The following RAD51B variants were observed in gnomAD, a reference collection of about 807,000 sequenced individuals.
The protein encoded by RAD51B is RAD51 paralog B, also known as DNA repair protein RAD51 homolog 2.
In RAD51B, 38 loss-of-function variants were observed where a neutral mutation model predicts 42.2. That is an observed-to-expected ratio of 0.90 (90% confidence interval 0.70 to 1.18). The LOEUF (loss-of-function observed/expected upper bound fraction) is 1.18. RAD51B is among the 50% of genes most tolerant of loss of function. The pLI is 0.00. For synonymous variants in RAD51B, 154 were observed against 145.2 expected (o/e 1.06, Z -0.43); for missense variants, 373 against 400.7 (o/e 0.93, Z 0.59).
intron 10 of RAD51B, chr14:68,563,038 C>A: frequency 1.0e-6 from 1 of 985,460 alleles, no homozygotes; most frequent in Non-Finnish European, 1.2e-6. Context: ...CCTCTCTCAC[C>A]CTGGCCGCTT....
chr14:67,904,448 G>A (rs916731838), intron 7 of RAD51B, among the ~76,000 whole-genome samples: 5 of 151,188 alleles, frequency 3.3e-5, no homozygotes, highest in Admixed American at 2.6e-4. Flanking sequence ...TATTCTGACT[G>A]GTGTGAGATG....
At chr14:67,984,955 T>G (rs1395769046) in intron 7 of RAD51B, among the ~76,000 whole-genome samples, 1 of 152,180 alleles carries the variant, frequency 6.6e-6, no homozygotes, top group Non-Finnish European at 1.5e-5. Context: ...CCCAAAATGT[T>G]TTACTGATGG....
At chr14:68,545,027 A>G (rs1045189567) in intron 10 of RAD51B, among the ~76,000 whole-genome samples, 11 of 152,192 alleles carry the variant, frequency 7.2e-5, no homozygotes, top group African/African-American at 2.7e-4. Flanking sequence ...TTGGGAATAA[A>G]TAAATATTCT....
downstream of RAD51B, chr14:68,478,200 C>T (rs1259409591): frequency 2.2e-5 from 22 of 1,008,432 alleles, no homozygotes; most frequent in Non-Finnish European, 2.6e-5. Context: ...GCAAGGGGGT[C>T]GACTCTGTGT....
intron 7 of RAD51B, among the ~76,000 whole-genome samples, chr14:67,963,218 A>G (rs1007196197): frequency 6.6e-6 from 1 of 151,790 alleles, no homozygotes; most frequent in African/African-American, 2.4e-5. Flanking sequence ...ATGTGTATCC[A>G]TGTGTATAGA....
intron 10 of RAD51B, among the ~76,000 whole-genome samples, chr14:68,592,734 T>A (rs61985820): frequency 0.16 from 24,828 of 152,290 alleles, 2,594 homozygotes; most frequent in Non-Finnish European, 0.23. Context: ...ACTCTGGATG[T>A]ATTCTTATTG....
In RAD51B at chr14:68,651,388, G is replaced by A. The variant is rs866592948; in HGVS notation, c.*11+532G>A. Among the ~76,000 whole-genome samples the A allele has an allele frequency of 2.0e-5, 3 of 152,188 alleles. No individual in the cohort carries two copies. In the South Asian group the frequency reaches 6.2e-4, roughly 32 times the overall value. On this transcript the variant is annotated intron_variant, in intron 11 of 11. Coordinates refer to the RAD51B transcript ENST00000488612. ...AGGTTTTGCCGTGTTGCCCAGGGTG[G>A]TCTCAAACTCAAGTAATCTGCCCGC...
intron 10 of RAD51B, among the ~76,000 whole-genome samples, chr14:68,644,553 T>C (rs543584222): frequency 1.3e-5 from 2 of 152,382 alleles, no homozygotes; most frequent in African/African-American, 4.8e-5. Flanking sequence ...AGATTCCTGC[T>C]GTTGCTTTTT....
chr14:68,380,158 G>A (rs914685995), intron 8 of RAD51B, among the ~76,000 whole-genome samples: 1 of 152,210 alleles, frequency 6.6e-6, no homozygotes, highest in Middle Eastern at 3.2e-3. Context: ...CGTGCTTAAA[G>A]TGTGTTTCTA....
At chr14:67,963,553 C>T (rs980138265) in intron 7 of RAD51B, among the ~76,000 whole-genome samples, 1 of 152,080 alleles carries the variant, frequency 6.6e-6, no homozygotes, top group African/African-American at 2.4e-5. Context: ...CCCCTTTTCT[C>T]TTACCATCAT....
intron 7 of RAD51B, among the ~76,000 whole-genome samples, chr14:68,254,889 G>A (rs1008351253): frequency 1.3e-5 from 2 of 152,154 alleles, no homozygotes; most frequent in Admixed American, 6.6e-5. Context: ...GAGTAATCAA[G>A]AGGCAATTTA....
At chr14:68,642,485 A>G (rs1027529355) in intron 10 of RAD51B, among the ~76,000 whole-genome samples, 1 of 152,172 alleles carries the variant, frequency 6.6e-6, no homozygotes, top group African/African-American at 2.4e-5. Context: ...TTAATAACAT[A>G]GATATTAGTC....
chr14:68,473,761 T>C (rs1162958889), intron 10 of RAD51B, among the ~76,000 whole-genome samples: 1 of 152,188 alleles, frequency 6.6e-6, no homozygotes. Flanking sequence ...AGGACTCCTT[T>C]GTACCTATTC....
chr14:68,495,788 C>A (rs1884467777), intron 10 of RAD51B, among the ~76,000 whole-genome samples: 1 of 152,160 alleles, frequency 6.6e-6, no homozygotes, highest in Non-Finnish European at 1.5e-5. Flanking sequence ...TGACTTACCT[C>A]TTAACCACAG....
intron 10 of RAD51B, among the ~76,000 whole-genome samples, chr14:68,573,951 G>T (rs146949797): frequency 1.4e-5 from 2 of 147,912 alleles, no homozygotes; most frequent in African/African-American, 5.0e-5. Context: ...TGTGTGTGTG[G>T]GGGTGTGGGT....
intron 9 of RAD51B, among the ~76,000 whole-genome samples, chr14:68,435,141 A>G (rs1205586459): frequency 6.6e-6 from 1 of 152,172 alleles, no homozygotes; most frequent in East Asian, 1.9e-4. Context: ...TAGTAAGCAT[A>G]GTACCCCATA....
At chr14:68,432,654 T>C (rs2085041255) in intron 9 of RAD51B, among the ~76,000 whole-genome samples, 1 of 152,210 alleles carries the variant, frequency 6.6e-6, no homozygotes, top group Non-Finnish European at 1.5e-5. Context: ...TCTCTGCATG[T>C]GAGATGGGTC....
At position 68,477,657 on chromosome 14, in the gene RAD51B, A is replaced by C. The variant is rs1882798078; in HGVS notation, c.1046A>C (p.Lys349Thr). 1 of 1,610,242 alleles carries C rather than the reference A, an allele frequency of 6.2e-7. No individual in the cohort carries two copies. Among genetic ancestry groups the C allele is most frequent in the Non-Finnish European group, 8.5e-7 (1 of 1,178,988 alleles). ...TTTTTTTTTCCTTTAGGCCAAGAGA[A>C]GCCATAGGGATACTGTGACCTTTGT... ...EEGLVLQGQE[K>T]P is the part of the protein sequence containing the mutation. Residue 349 changes from lysine (K) to threonine (T), a missense_variant, in exon 11 of 11, where the codon AAG becomes ACG. Coordinates refer to ENST00000471583, the MANE Select transcript of RAD51B (RefSeq NM_133510.4).
At position 68,594,471 on chromosome 14, in the gene RAD51B, T is replaced by TC. The variant is rs749821610; in HGVS notation, c.1037-13dup. On this transcript the variant is annotated splice_polypyrimidine_tract_variant and intron_variant, in intron 10 of 10. Coordinates refer to the RAD51B transcript ENST00000487270. ...GCCTAGACTTTGACTTCCTTTTTTT[T>TC]CTCTCTCTCTTAGAGACAACATTTT... 25 of 1,363,108 alleles carry TC rather than the reference T, an allele frequency of 1.8e-5. No homozygotes were observed. The East Asian group carries it at 9.2e-4, about 50-fold the overall frequency. 84.4% of individuals were successfully genotyped at this position (1,363,108 alleles called of 1,614,324 possible). A position where few individuals can be genotyped will look rare whatever the true frequency, so the allele number is the denominator to read the frequency against.
Sources: gnomAD v4.1 joint callset for allele counts (sites outside exome capture counted in the v4.1 genomes callset) on GRCh38, gnomAD v4.1.1 for gene constraint, MANE v1.5 for transcripts, NCBI Gene and HGNC (gene_info 2026-07-23, HGNC 2026-07-21) for gene names.